Variants in CCND2 observed in about 807,000 individuals in gnomAD.
CCND2 encodes G1/S-specific cyclin-D2.
A neutral mutation model predicts 30.2 loss-of-function variants in CCND2; 6 were observed. The observed-to-expected ratio is 0.20, with a 90% CI of 0.11 to 0.39. CCND2 has a LOEUF of 0.39. Ranked by LOEUF, CCND2 falls within the 10% of genes least tolerant of loss-of-function variation. The pLI is 1.00. For synonymous variants in CCND2, 150 were observed against 153.1 expected, an observed-to-expected ratio of 0.98 and a Z score of 0.15; for missense variants, 235 against 373.4, an observed-to-expected ratio of 0.63 and a Z score of 3.06.
chr12:4,274,547 T>G lies in CCND2; in HGVS notation c.195+312T>G, dbSNP rs1863836834. ...CCCACCCCCCTCGCGACCTGTCTTT[T>G]GCGAAGCCGCCGCGGCTGCTTGCGC... is the stretch of plus-strand genomic sequence containing the variant. On this transcript the variant is annotated intron_variant, in intron 1 of 4. Transcript: ENST00000261254. The surrounding 1 kb of genome is among the most constrained non-coding windows in gnomAD (Gnocchi z 7.7). Among the ~76,000 whole-genome samples, 1 of 151,984 alleles carries G rather than the reference T, an allele frequency of 6.6e-6. No individual in the cohort carries two copies. The highest frequency in any genetic ancestry group is 1.5e-5 in the Non-Finnish European group (1 of 67,974).
rs199719393 is a variant in CCND2 at position 4,278,803 on chromosome 12, C to A, written c.455C>A (p.Ala152Glu). Residue 152 changes from alanine (A) to glutamate (E), a missense_variant, in exon 3 of 5, where the codon GCA becomes GAA. By Grantham distance (107) the Ala-to-Glu change is moderately radical. Coordinates refer to ENST00000261254, the MANE Select transcript of CCND2 (RefSeq NM_001759.4). Reference sequence around the variant, plus strand: ...CTGGGGAAGTTGAAGTGGAACCTGGCAGCTGTCACTCCTCATGACTTCATT... The same window carrying A: ...CTGGGGAAGTTGAAGTGGAACCTGGAAGCTGTCACTCCTCATGACTTCATT... Reference protein sequence around the residue: ...VVLGKLKWNLAAVTPHDFIEH... With the variant: ...VVLGKLKWNLEAVTPHDFIEH... The A allele has an allele frequency of 6.9e-5, 111 of 1,614,074 alleles. 1 individual carries two copies. Among genetic ancestry groups the A allele is most frequent in the Non-Finnish European group, 9.2e-5 (108 of 1,180,014 alleles).
chr12:4,299,995 G>T lies in CCND2; in HGVS notation c.856G>T (p.Asp286Tyr). Reference sequence around the variant, plus strand: ...AGCCAGCACCCCTACAGACGTGCGGGATATCGACCTGTGAGGATGCCAGTT... The same window carrying T: ...AGCCAGCACCCCTACAGACGTGCGGTATATCGACCTGTGAGGATGCCAGTT... ...DQASTPTDVR[D>Y]IDL is the part of the protein sequence containing the mutation. Residue 286 changes from aspartate to tyrosine, a missense_variant, in exon 5 of 5, where the codon GAT becomes TAT. Around this residue, in one of 2 missense-constraint regions of CCND2, gnomAD observed 57 missense variants for 50.7 expected, o/e 1.12. Coordinates refer to ENST00000261254, the MANE Select transcript of CCND2 (RefSeq NM_001759.4). The surrounding 1 kb of genome is among the most constrained non-coding windows in gnomAD (Gnocchi z 5.2). 1 of 1,613,810 alleles carries T rather than the reference G, an allele frequency of 6.2e-7. No homozygotes were observed. The highest frequency in any genetic ancestry group is 1.1e-5 in the South Asian group (1 of 91,054).
Position 4,278,880 on chromosome 12 carries a change from C to T in CCND2, c.532C>T (p.Arg178Cys), listed in dbSNP as rs1488421614. 18 of 1,614,044 alleles carry T rather than the reference C, an allele frequency of 1.1e-5. No homozygotes were observed. Among genetic ancestry groups the T allele is most frequent in the Non-Finnish European group, 1.5e-5 (18 of 1,179,988 alleles). Residue 178 changes from arginine to cysteine, a missense_variant, in exon 3 of 5, where the codon CGC becomes TGC. Physicochemically the swap from Arg to Cys is radical, Grantham distance 180. Coordinates refer to ENST00000261254, the MANE Select transcript of CCND2 (RefSeq NM_001759.4). ...PQQREKLSLI[R>C]KHAQTFIALC... ...GCAGCGGGAGAAGCTGTCTCTGATC[C>T]GCAAGCATGCTCAGACCTTCATTGC...
Position 4,274,537 on chromosome 12 carries a change from A to G in CCND2, c.195+302A>G, listed in dbSNP as rs1276818950. ...GCCTCTTCTTCCCACCCCCCTCGCGACCTGTCTTTTGCGAAGCCGCCGCGG... is the reference window on the plus strand; with the variant it reads ...GCCTCTTCTTCCCACCCCCCTCGCGGCCTGTCTTTTGCGAAGCCGCCGCGG... On this transcript the variant is annotated intron_variant, in intron 1 of 4. Transcript: ENST00000261254. The surrounding 1 kb of genome is among the most constrained non-coding windows in gnomAD (Gnocchi z 7.7). Among the ~76,000 whole-genome samples the G allele has an allele frequency of 6.6e-6, 1 of 151,668 alleles. No individual in the cohort carries two copies. Among genetic ancestry groups the G allele is most frequent in the Non-Finnish European group, 1.5e-5 (1 of 67,918 alleles).
At chr12:4,297,873 A>G (rs1591651045) in intron 4 of CCND2, 8 of 451,470 alleles carry the variant, frequency 1.8e-5, no homozygotes. Flanking sequence ...AGCCTCGTTC[A>G]GGGTGGCACG....
chr12:4,280,089 A>T (rs1863928183), intron 3 of CCND2, among the ~76,000 whole-genome samples: 1 of 144,536 alleles, frequency 6.9e-6, no homozygotes, highest in South Asian at 2.5e-4. Context: ...GAGCTTCTTC[A>T]TCTCCAAAAC....
chr12:4,292,238 T>G (rs1383033025), intron 4 of CCND2, among the ~76,000 whole-genome samples: 3 of 152,094 alleles, frequency 2.0e-5, no homozygotes, highest in African/African-American at 7.2e-5. Flanking sequence ...GAAATGCCCA[T>G]AGGTTGATGT....
chr12:4,292,989 G>A lies in CCND2; in HGVS notation c.720+3999G>A, dbSNP rs572559623. On this transcript the variant is annotated intron_variant, in intron 4 of 4. Transcript: ENST00000261254. ...GCTTTTCCTCAGCTCTTTATCCAGA[G>A]CCCCTGGCAGAGTCATTGGGAGTGA... is the stretch of plus-strand genomic sequence containing the variant. Among the ~76,000 whole-genome samples, 8 of 152,304 alleles carry A rather than the reference G, an allele frequency of 5.3e-5. No homozygotes were observed. The South Asian group carries it at 1.7e-3, about 32-fold the overall frequency.
Position 4,276,893 on chromosome 12 carries a change from G to C in CCND2, c.411+673G>C, listed in dbSNP as rs929369304. On this transcript the variant is annotated intron_variant, in intron 2 of 4. Coordinates refer to ENST00000261254, the MANE Select transcript of CCND2 (RefSeq NM_001759.4). This position sits in a 1 kb window ranked among gnomAD's most constrained non-coding sequence, Gnocchi z 4.8. ...ATCTAACTCCTTTTCCCTGCAGCTTGACATATAAGACGACCATATTGCAGC... is the reference window on the plus strand; with the variant it reads ...ATCTAACTCCTTTTCCCTGCAGCTTCACATATAAGACGACCATATTGCAGC... Among the ~76,000 whole-genome samples the C allele has an allele frequency of 4.6e-5, 7 of 152,220 alleles. No homozygotes were observed. The highest frequency in any genetic ancestry group is 1.7e-4 in the African/African-American group (7 of 41,456).
At chr12:4,280,879 T>C (rs913505949) in intron 3 of CCND2, among the ~76,000 whole-genome samples, 2 of 152,142 alleles carry the variant, frequency 1.3e-5, no homozygotes. Context: ...CTGGGTGGAG[T>C]TACCGGGGTG....
chr12:4,274,385 G>A lies in CCND2; in HGVS notation c.195+150G>A. The A allele has an allele frequency of 2.5e-6, 2 of 786,310 alleles. No individual in the cohort carries two copies. The highest frequency in any genetic ancestry group is 2.1e-6 in the Non-Finnish European group (1 of 484,824). The allele number at this position is 786,310 out of a possible 1,614,324, so 48.7% of individuals were successfully genotyped here. A position where few individuals can be genotyped will look rare whatever the true frequency, so the allele number is the denominator to read the frequency against. On this transcript the variant is annotated intron_variant, in intron 1 of 4. Transcript: ENST00000261254. The surrounding 1 kb of genome is among the most constrained non-coding windows in gnomAD (Gnocchi z 7.7). ...TACCGCGCGCCTTCTGGCGAGACGC[G>A]TGGCTTTATTTCTGTTCCTCTCCAG...
intron 4 of CCND2, among the ~76,000 whole-genome samples, chr12:4,297,040 G>A (rs775674492): frequency 8.5e-5 from 13 of 152,122 alleles, no homozygotes; most frequent in Non-Finnish European, 1.6e-4. Context: ...CGGTGCTCAA[G>A]TGGAGAAAGG....
chr12:4,288,751 T>C, intron 3 of CCND2, 91 bp from the exon 4 acceptor site: 6 of 1,325,018 alleles, frequency 4.5e-6, no homozygotes, highest in Non-Finnish European at 6.3e-6. Context: ...GCTGACCTGC[T>C]GCCGTCCTGT....
In CCND2 at chr12:4,285,439, T is replaced by A. The variant is rs1437925935; in HGVS notation, c.572-3403T>A. 2 of 984,636 alleles carry A rather than the reference T, an allele frequency of 2.0e-6. No homozygotes were observed. Among genetic ancestry groups the A allele is most frequent in the African/African-American group, 3.5e-5 (2 of 57,238 alleles). 61.0% of individuals were successfully genotyped at this position (984,636 alleles called of 1,614,324 possible). ...AGACTGCTGAGAAATTTGTACCTGG[T>A]TTTTATTTGTTAAAATAATATTACG... is the stretch of plus-strand genomic sequence containing the variant. On this transcript the variant is annotated intron_variant, in intron 3 of 4. Transcript: ENST00000261254. The surrounding 1 kb of genome is among the most constrained non-coding windows in gnomAD (Gnocchi z 4.1).
At chr12:4,295,345 C>T (rs1207937826) in intron 4 of CCND2, among the ~76,000 whole-genome samples, 3 of 152,196 alleles carry the variant, frequency 2.0e-5, no homozygotes, top group African/African-American at 7.2e-5. Flanking sequence ...TAGGTGGAGA[C>T]TGCAGAGAGG....
At position 4,305,199 on chromosome 12, in the gene CCND2, T is replaced by C. The variant is rs1864300352; in HGVS notation, c.*5190T>C. The C allele has an allele frequency of 4.3e-6, 1 of 233,176 alleles. No homozygotes were observed. Among genetic ancestry groups the C allele is most frequent in the Admixed American group, 5.6e-5 (1 of 17,768 alleles). The allele number at this position is 233,176 out of a possible 1,614,324, so 14.4% of individuals were successfully genotyped here. On this transcript the variant is annotated 3_prime_UTR_variant, in exon 5 of 5. Transcript: ENST00000261254. This position sits in a 1 kb window ranked among gnomAD's most constrained non-coding sequence, Gnocchi z 6.4. ...TATTGGCTATGATGGTGACATGATATAGTCAGCTGCCTTTTAAGAGGTCTT... is the reference window on the plus strand; with the variant it reads ...TATTGGCTATGATGGTGACATGATACAGTCAGCTGCCTTTTAAGAGGTCTT...
At chr12:4,292,035 T>G (rs3217875) in intron 4 of CCND2, among the ~76,000 whole-genome samples, 1 of 152,100 alleles carries the variant, frequency 6.6e-6, no homozygotes. Flanking sequence ...TGGAGAGTTC[T>G]GATGGCCACA....
chr12:4,274,128 C>T lies in CCND2; in HGVS notation c.88C>T (p.Leu30=). 1 of 1,614,120 alleles carries T rather than the reference C, an allele frequency of 6.2e-7. No homozygotes were observed. Among genetic ancestry groups the T allele is most frequent in the Non-Finnish European group, 8.5e-7 (1 of 1,179,984 alleles). The change falls in exon 1 of 5, where the codon CTG becomes TTG. Residue 30 remains leucine (L), a synonymous_variant. Coordinates refer to ENST00000261254, the MANE Select transcript of CCND2 (RefSeq NM_001759.4). The surrounding 1 kb of genome is among the most constrained non-coding windows in gnomAD (Gnocchi z 7.7). ...LLRDDRVLQN[L]LTIEERYLPQ... ...CCGAGACGACCGCGTCCTGCAGAACCTGCTCACCATCGAGGAGCGCTACCT... is the reference window on the plus strand; with the variant it reads ...CCGAGACGACCGCGTCCTGCAGAACTTGCTCACCATCGAGGAGCGCTACCT...
At chr12:4,295,195 CAG>C (rs1456375080) in intron 4 of CCND2, among the ~76,000 whole-genome samples, 1 of 152,234 alleles carries the variant, frequency 6.6e-6, no homozygotes, top group African/African-American at 2.4e-5. Context: ...TTTCCACCAT[CAG>C]AGAGTAGCGT....
Sources: allele counts gnomAD v4.1 joint callset (sites outside exome capture counted in the v4.1 genomes callset), GRCh38; gene constraint gnomAD v4.1.1; regional missense constraint gnomAD v4.1.1; non-coding constraint Gnocchi (gnomAD v3.1); transcripts MANE v1.5; gene names NCBI Gene and HGNC (gene_info 2026-07-23, HGNC 2026-07-21).